ADD2: variants seen among roughly 807,000 people sequenced by gnomAD.
ADD2 encodes beta-adducin.
Under a neutral mutation model 83.0 loss-of-function variants are expected in ADD2, and 23 were observed. That is an observed-to-expected ratio of 0.28 (90% CI 0.20 to 0.39). The LOEUF (loss-of-function observed/expected upper bound fraction) is 0.39, where lower values mean the gene tolerates loss of function less well. Among genes scored for constraint, ADD2 ranks in the 10% least tolerant of loss-of-function variants. The pLI, the probability that ADD2 is intolerant of heterozygous loss-of-function variation, is 1.00. For missense variants in ADD2, 758 were observed against 944.9 expected (o/e 0.80, Z 2.59); for synonymous variants, 375 against 375.4 (o/e 1.00, Z 0.01).
At chr2:70,709,545 G>C (rs1481136039) in intron 2 of ADD2, among the ~76,000 whole-genome samples, 2 of 152,166 alleles carry the variant, frequency 1.3e-5, no homozygotes, top group African/African-American at 4.8e-5. Context: ...AGCTGCATGG[G>C]CTTGGGCAAG....
chr2:70,767,881 C>T lies in ADD2; in HGVS notation c.-154+5G>A. Reference sequence around the variant, plus strand: ...GCCCACCAGGCCCGCTCCCCAGACCCTTACCTCCTGCGCGGCATCTTAGCT... The same window carrying T: ...GCCCACCAGGCCCGCTCCCCAGACCTTTACCTCCTGCGCGGCATCTTAGCT... On this transcript the variant is annotated splice_donor_5th_base_variant and intron_variant, in intron 1 of 15. Coordinates refer to ENST00000264436, the MANE Select transcript of ADD2 (RefSeq NM_001617.4). The T allele has an allele frequency of 5.2e-6, 8 of 1,535,936 alleles. No homozygotes were observed. The highest frequency in any genetic ancestry group is 7.0e-6 in the Non-Finnish European group (8 of 1,146,772).
At chr2:70,666,916 C>A (rs1484822992) in intron 15 of ADD2, among the ~76,000 whole-genome samples, 1 of 152,166 alleles carries the variant, frequency 6.6e-6, no homozygotes, top group Non-Finnish European at 1.5e-5. Context: ...AGGTTCCCAA[C>A]TAAGGTCACC....
chr2:70,735,782 C>T (rs1220440422), intron 1 of ADD2, among the ~76,000 whole-genome samples: 2 of 147,182 alleles, frequency 1.4e-5, no homozygotes, highest in South Asian at 2.2e-4. Context: ...AGTGCAGTGG[C>T]GTGATCTTGG....
At chr2:70,703,533 A>G (rs1671723030) in intron 4 of ADD2, among the ~76,000 whole-genome samples, 1 of 152,216 alleles carries the variant, frequency 6.6e-6, no homozygotes, top group Admixed American at 6.5e-5. Flanking sequence ...CAATTCAGCA[A>G]TTCTACTAGT....
At chr2:70,716,008 G>A (rs1391713435) in intron 1 of ADD2, among the ~76,000 whole-genome samples, 3 of 152,244 alleles carry the variant, frequency 2.0e-5, no homozygotes, top group East Asian at 1.9e-4. Context: ...GTCTCTAGTG[G>A]CCGTGTTCCT....
chr2:70,738,064 C>T (rs4852706), intron 1 of ADD2, among the ~76,000 whole-genome samples: 52,078 of 152,068 alleles, frequency 0.34, 8,981 homozygotes, highest in Middle Eastern at 0.41. Context: ...CCCAGTACAC[C>T]ATGAGGCCTC....
In ADD2 at chr2:70,676,235, C is replaced by T; in HGVS notation, c.1593+561G>A. The T allele has an allele frequency of 1.0e-6, 1 of 987,510 alleles. No individual in the cohort carries two copies. The highest frequency in any genetic ancestry group is 1.2e-6 in the Non-Finnish European group (1 of 831,410). The allele number at this position is 987,510 out of a possible 1,614,324, so 61.2% of individuals were successfully genotyped here. On this transcript the variant is annotated intron_variant, in intron 13 of 15. Transcript: ENST00000264436. This position sits in a 1 kb window ranked among gnomAD's most constrained non-coding sequence, Gnocchi z 4.8. The stretch of plus-strand genomic sequence containing the variant: ...GCTAAGCACTAGACAAAACACTGTT[C>T]TATCTCAAGCACAAAAACAATTACA...
Position 70,767,629 on chromosome 2 carries a change from G to T in ADD2, c.-154+257C>A, listed in dbSNP as rs1185026920. ...CTGTCAGGCGTTACGCTCCGGGCGA[G>T]GGTCCCACCATCCCCAAGCAGGGGC... On this transcript the variant is annotated intron_variant, in intron 1 of 15. Transcript: ENST00000264436. 4.6e-6 allele frequency: 6 copies of T among 1,297,616 alleles called. No homozygotes were observed. In the Admixed American group the frequency reaches 1.9e-4, roughly 42 times the overall value. The allele number at this position is 1,297,616 out of a possible 1,614,324, so 80.4% of individuals were successfully genotyped here.
chr2:70,722,873 C>T (rs1553377610), intron 1 of ADD2, among the ~76,000 whole-genome samples: 1 of 152,212 alleles, frequency 6.6e-6, no homozygotes, highest in South Asian at 2.1e-4. Flanking sequence ...GGCTTTTGTT[C>T]TCCAGGGGGA....
Position 70,714,616 on chromosome 2 carries a change from T to C in ADD2, c.-153-1432A>G, listed in dbSNP as rs552843489. Reference sequence around the variant, plus strand: ...TGTGCTCTGCACATCCAGTGCCGGCTGAGCTCCTTCTCCCAGAGGTTCTAT... The same window carrying C: ...TGTGCTCTGCACATCCAGTGCCGGCCGAGCTCCTTCTCCCAGAGGTTCTAT... On this transcript the variant is annotated intron_variant, in intron 1 of 15. Transcript: ENST00000264436. Among the ~76,000 whole-genome samples, 3 of 152,334 alleles carry C rather than the reference T, an allele frequency of 2.0e-5. No homozygotes were observed. In the South Asian group the frequency reaches 6.2e-4, roughly 32 times the overall value.
intron 10 of ADD2, 72 bp from the exon 11 acceptor site, chr2:70,679,033 C>CA: frequency 6.7e-7 from 1 of 1,494,350 alleles, no homozygotes; most frequent in Non-Finnish European, 9.0e-7. Context: ...CATGCACACA[C>CA]ACCTTTCCTT....
chr2:70,702,161 T>C (rs1409891758), intron 4 of ADD2, among the ~76,000 whole-genome samples: 7 of 152,240 alleles, frequency 4.6e-5, no homozygotes, highest in African/African-American at 1.7e-4. Flanking sequence ...AATTCTAAAG[T>C]TTGATTTTTG....
At chr2:70,737,857 C>T (rs182485246) in intron 1 of ADD2, among the ~76,000 whole-genome samples, 1 of 152,280 alleles carries the variant, frequency 6.6e-6, no homozygotes, top group East Asian at 1.9e-4. Context: ...TCACATGAGG[C>T]CAAAGGAGCA....
In ADD2 at chr2:70,768,030, T is replaced by C; in HGVS notation, c.-298A>G. On this transcript the variant is annotated 5_prime_UTR_variant, in exon 1 of 16. Transcript: ENST00000264436. ...TTTCTGCCCATGCTGCAGCCCGCGC[T>C]CGTCAGAGCTGCTGGGAGATCCCCC... 1 of 1,480,892 alleles carries C rather than the reference T, an allele frequency of 6.8e-7. No homozygotes were observed. Among genetic ancestry groups the C allele is most frequent in the Admixed American group, 2.1e-5 (1 of 48,658 alleles). The allele number at this position is 1,480,892 out of a possible 1,614,324, so 91.7% of individuals were successfully genotyped here. A position where few individuals can be genotyped will look rare whatever the true frequency, so the allele number is the denominator to read the frequency against.
At chr2:70,687,876 T>C in intron 9 of ADD2, 148 bp downstream of exon 9, 1 of 611,758 alleles carries the variant, frequency 1.6e-6, no homozygotes, top group Non-Finnish European at 2.9e-6. Context: ...AAGGATAAGA[T>C]GGTGCCAAGG....
At chr2:70,690,747 T>C (rs564430265) in intron 8 of ADD2, 39 bp downstream of exon 8, 2 of 1,585,746 alleles carry the variant, frequency 1.3e-6, no homozygotes, top group South Asian at 2.3e-5. Context: ...CTTTTGACAA[T>C]GCCACTCTAG....
intron 1 of ADD2, among the ~76,000 whole-genome samples, chr2:70,736,758 TC>T (rs1553380206): frequency 6.6e-6 from 1 of 151,720 alleles, no homozygotes; most frequent in African/African-American, 2.4e-5. Context: ...AGAATCTATT[TC>T]TCCCCACTGT....
intron 1 of ADD2, among the ~76,000 whole-genome samples, chr2:70,748,187 C>T (rs1280331369): frequency 6.6e-6 from 1 of 151,596 alleles, no homozygotes; most frequent in Non-Finnish European, 1.5e-5. Flanking sequence ...AATTTCTGTT[C>T]TTAAGTTTGA....
At chr2:70,684,089 A>C (rs1425767701) in intron 9 of ADD2, among the ~76,000 whole-genome samples, 2 of 152,178 alleles carry the variant, frequency 1.3e-5, no homozygotes, top group African/African-American at 4.8e-5. Context: ...AGGGAAGATG[A>C]GACAGGAAAG....
Sources: allele counts gnomAD v4.1 joint callset (sites outside exome capture counted in the v4.1 genomes callset), GRCh38; gene constraint gnomAD v4.1.1; non-coding constraint Gnocchi (gnomAD v3.1); transcripts MANE v1.5; gene names NCBI Gene and HGNC (gene_info 2026-07-23, HGNC 2026-07-21).